Variants in AATF observed in about 807,000 individuals in gnomAD.
AATF encodes the protein protein AATF.
In AATF, 48 loss-of-function variants were observed where a neutral mutation model predicts 63.7. The observed-to-expected ratio is 0.75, with a 90% CI of 0.60 to 0.96. The LOEUF (loss-of-function observed/expected upper bound fraction) is 0.96, where lower values mean the gene tolerates loss of function less well. Ranked by LOEUF, AATF falls within the 40% of genes least tolerant of loss-of-function variation. AATF has a pLI of 0.00. For synonymous variants in AATF, 258 were observed against 247.7 expected, an observed-to-expected ratio of 1.04 and a Z score of -0.39; for missense variants, 639 against 685.7, an observed-to-expected ratio of 0.93 and a Z score of 0.76.
chr17:37,034,034 G>A (rs1414055733), intron 11 of AATF, among the ~76,000 whole-genome samples: 1 of 152,188 alleles, frequency 6.6e-6, no homozygotes, highest in African/African-American at 2.4e-5. Flanking sequence ...CATTTATAAG[G>A]AGAAAGGGCT....
chr17:36,961,031 G>A lies in AATF; in HGVS notation c.832+7124G>A, dbSNP rs182512634. Among the ~76,000 whole-genome samples, 636 of 151,960 alleles carry A rather than the reference G, an allele frequency of 4.2e-3. 6 individuals carry two copies. Among genetic ancestry groups the A allele is most frequent in the Non-Finnish European group, 7.0e-3 (479 of 67,958 alleles). On this transcript the variant is annotated intron_variant, in intron 4 of 11. Coordinates refer to ENST00000619387, the MANE Select transcript of AATF (RefSeq NM_012138.4). ...GATGAATATCCTTCCAGACCTTTTC[G>A]CGTGCACACACACACACACCACACA...
intron 7 of AATF, among the ~76,000 whole-genome samples, chr17:36,989,771 T>G (rs913317771): frequency 1.6e-4 from 24 of 152,152 alleles, no homozygotes; most frequent in African/African-American, 5.5e-4. Context: ...TTTAGGTACT[T>G]TAGAAAGGGT....
chr17:36,957,571 G>A (rs577771090), intron 4 of AATF, among the ~76,000 whole-genome samples: 1 of 152,306 alleles, frequency 6.6e-6, no homozygotes, highest in Admixed American at 6.5e-5. Flanking sequence ...TGGAAAGATG[G>A]CTACAGATTT....
chr17:37,018,982 C>G (rs199747623), intron 8 of AATF, 23 bp from the exon 9 acceptor site: 8 of 1,603,500 alleles, frequency 5.0e-6, no homozygotes, highest in Non-Finnish European at 6.8e-6. Context: ...TAAATAAATT[C>G]GTTGCTTTCC....
At chr17:36,961,373 A>G (rs745459747) in intron 4 of AATF, among the ~76,000 whole-genome samples, 1 of 152,226 alleles carries the variant, frequency 6.6e-6, no homozygotes, top group Non-Finnish European at 1.5e-5. Flanking sequence ...TTTTTTAATA[A>G]CCACATTTTA....
chr17:36,983,621 G>A (rs181629941), intron 4 of AATF, among the ~76,000 whole-genome samples: 3,631 of 152,248 alleles, frequency 0.024, 60 homozygotes, highest in Non-Finnish European at 0.036. Flanking sequence ...AAAGTGCTGG[G>A]ATTACAGGTG....
intron 4 of AATF, among the ~76,000 whole-genome samples, chr17:36,957,992 G>C (rs985755852): frequency 4.6e-5 from 7 of 151,992 alleles, no homozygotes; most frequent in Non-Finnish European, 2.9e-5. Flanking sequence ...CAGTCACCTT[G>C]GTGTTACATG....
At chr17:36,995,459 G>A (rs112449115) in intron 8 of AATF, among the ~76,000 whole-genome samples, 1 of 152,268 alleles carries the variant, frequency 6.6e-6, no homozygotes, top group East Asian at 1.9e-4. Context: ...TGGTAGAATT[G>A]TATGCATTTA....
intron 8 of AATF, among the ~76,000 whole-genome samples, chr17:37,007,917 C>T (rs905893243): frequency 6.6e-6 from 1 of 152,182 alleles, no homozygotes; most frequent in South Asian, 2.1e-4. Flanking sequence ...AGGATGACTT[C>T]TGCTCCAGTT....
At chr17:36,949,372 C>T (rs1010802214) in intron 1 of AATF, among the ~76,000 whole-genome samples, 156 bp downstream of exon 1, 6 of 152,230 alleles carry the variant, frequency 3.9e-5, no homozygotes, top group Non-Finnish European at 8.8e-5. Context: ...GTCCCGGCCT[C>T]GGGAGGAGGG....
intron 4 of AATF, among the ~76,000 whole-genome samples, chr17:36,954,288 T>A (rs2070882227): frequency 6.6e-6 from 1 of 151,770 alleles, no homozygotes; most frequent in African/African-American, 2.4e-5. Flanking sequence ...CACTGTGTTG[T>A]CCAGGCTGGT....
At chr17:36,954,848 C>G (rs1052895981) in intron 4 of AATF, among the ~76,000 whole-genome samples, 4 of 152,124 alleles carry the variant, frequency 2.6e-5, no homozygotes, top group African/African-American at 4.8e-5. Flanking sequence ...GCCTGTGTGC[C>G]CAGTGGCACT....
chr17:36,970,541 C>T (rs201128747), intron 4 of AATF, among the ~76,000 whole-genome samples: 6,750 of 86,916 alleles, frequency 0.078, 550 homozygotes, highest in African/African-American at 0.32. Context: ...TTTCTTTTTT[C>T]TTTTTTTTTT....
chr17:36,956,943 T>A, intron 4 of AATF, among the ~76,000 whole-genome samples: 1 of 151,896 alleles, frequency 6.6e-6, no homozygotes. Flanking sequence ...GCTAGTGCAC[T>A]CTAGCCTGAG....
At chr17:37,033,642 T>C (rs1386150505) in intron 11 of AATF, 1 of 154,738 alleles carries the variant, frequency 6.5e-6, no homozygotes, top group Non-Finnish European at 1.5e-5. Context: ...ATAAAAAATA[T>C]AAAACCTGAC....
At position 36,950,341 on chromosome 17, in the gene AATF, C is replaced by G. The variant is rs75578178; in HGVS notation, c.219C>G (p.Gly73=). 6.2e-7 allele frequency: 1 copy of G among 1,614,156 alleles called. No homozygotes were observed. Among genetic ancestry groups the G allele is most frequent in the Non-Finnish European group, 8.5e-7 (1 of 1,180,024 alleles). The change falls in exon 2 of 12, where the codon GGC becomes GGG. Residue 73 remains glycine, a synonymous_variant. Transcript: ENST00000619387. ...TGGACACGGACAAAAGGTATTGCGG[C>G]AAAACCACCTCTAGAAAAGCATGGA... is the stretch of plus-strand genomic sequence containing the variant. ...SLLDTDKRYC[G]KTTSRKAWNE...
intron 11 of AATF, among the ~76,000 whole-genome samples, chr17:37,033,421 T>G (rs1567991491): frequency 6.6e-6 from 1 of 152,234 alleles, no homozygotes; most frequent in Non-Finnish European, 1.5e-5. Flanking sequence ...AGTTTAGATA[T>G]TAGTGGTATC....
chr17:37,041,170 A>T (rs2142312688), intron 11 of AATF, among the ~76,000 whole-genome samples: 1 of 152,306 alleles, frequency 6.6e-6, no homozygotes, highest in African/African-American at 2.4e-5. Context: ...ATATATACGT[A>T]TGTGTTTGAA....
intron 5 of AATF, among the ~76,000 whole-genome samples, 174 bp downstream of exon 5, chr17:36,986,905 T>C (rs2071173125): frequency 6.6e-6 from 1 of 152,198 alleles, no homozygotes; most frequent in African/African-American, 2.4e-5. Flanking sequence ...ATTTTAGATT[T>C]TTATATTTAG....
Sources: allele counts gnomAD v4.1 joint callset (sites outside exome capture counted in the v4.1 genomes callset), GRCh38; gene constraint gnomAD v4.1.1; transcripts MANE v1.5; gene names NCBI Gene and HGNC (gene_info 2026-07-23, HGNC 2026-07-21).